The following DYNLT2B variants were observed in gnomAD, a reference collection of about 807,000 sequenced individuals.
DYNLT2B encodes dynein light chain Tctex-type protein 2B.
A neutral mutation model predicts 19.5 loss-of-function variants in DYNLT2B; 14 were observed. The observed-to-expected ratio is 0.72, with a 90% CI of 0.47 to 1.12. The LOEUF (loss-of-function observed/expected upper bound fraction) is 1.12, where lower values mean the gene tolerates loss of function less well. Ranked by LOEUF, DYNLT2B falls within the 50% of genes most tolerant of loss-of-function variation. The pLI is 0.00. For missense variants in DYNLT2B, 133 were observed against 174.7 expected (o/e 0.76, Z 1.35); for synonymous variants, 70 against 59.7 (o/e 1.17, Z -0.79).
At chr3:196,315,046 G>A (rs376223793) in intron 2 of DYNLT2B, among the ~76,000 whole-genome samples, 1 of 151,986 alleles carries the variant, frequency 6.6e-6, no homozygotes, top group South Asian at 2.1e-4. Flanking sequence ...GGGGAAAGGA[G>A]TCCCTGTACT....
chr3:196,301,692 G>A (rs529069447), intron 3 of DYNLT2B, among the ~76,000 whole-genome samples: 5 of 152,010 alleles, frequency 3.3e-5, no homozygotes, highest in Admixed American at 6.6e-5. Context: ...CAGCCTGGGT[G>A]ACAGAGTGAG....
chr3:196,291,265 C>A lies in DYNLT2B; in HGVS notation c.*62G>T. 2 of 1,442,784 alleles carry A rather than the reference C, an allele frequency of 1.4e-6. No homozygotes were observed. Among genetic ancestry groups the A allele is most frequent in the South Asian group, 2.5e-5 (2 of 79,266 alleles). 89.4% of individuals were successfully genotyped at this position (1,442,784 alleles called of 1,614,324 possible). Reference sequence around the variant, plus strand: ...ATCTTTATTTTGTCAAGATATTTAACAATATTAAAAAGTTCAGATTTCTTC... The same window carrying A: ...ATCTTTATTTTGTCAAGATATTTAAAAATATTAAAAAGTTCAGATTTCTTC... On this transcript the variant is annotated 3_prime_UTR_variant, in exon 5 of 5. Transcript: ENST00000325318.
At chr3:196,311,388 G>A (rs1726638277) in intron 2 of DYNLT2B, among the ~76,000 whole-genome samples, 1 of 149,206 alleles carries the variant, frequency 6.7e-6, no homozygotes, top group Non-Finnish European at 1.5e-5. Flanking sequence ...CCAACAGAGT[G>A]AGACCCTGTC....
intron 3 of DYNLT2B, among the ~76,000 whole-genome samples, chr3:196,306,529 T>A (rs1471200030): frequency 2.6e-5 from 4 of 151,956 alleles, no homozygotes; most frequent in Admixed American, 2.0e-4. Context: ...ACTGACAATA[T>A]TTTAGAGATA....
intron 3 of DYNLT2B, among the ~76,000 whole-genome samples, chr3:196,303,815 T>A (rs1726415576): frequency 6.6e-6 from 1 of 152,214 alleles, no homozygotes; most frequent in East Asian, 1.9e-4. Context: ...TAACACTGTA[T>A]CAATATTGTT....
intron 3 of DYNLT2B, chr3:196,296,304 G>C (rs1726221367): frequency 8.8e-6 from 4 of 455,954 alleles, no homozygotes; most frequent in African/African-American, 2.0e-5. Flanking sequence ...CAGGTACTCT[G>C]ACAGCCTCAG....
At chr3:196,310,402 G>A (rs532740793) in intron 2 of DYNLT2B, among the ~76,000 whole-genome samples, 15 of 134,750 alleles carry the variant, frequency 1.1e-4, no homozygotes, top group Admixed American at 1.5e-4. Flanking sequence ...GTGAGCCACC[G>A]CACCTGGCCA....
rs369148979 is a variant in DYNLT2B at position 196,291,349 on chromosome 3, G to C, written c.407C>G (p.Ala136Gly). The C allele has an allele frequency of 6.2e-7, 1 of 1,611,216 alleles. No individual in the cohort carries two copies. Among genetic ancestry groups the C allele is most frequent in the Non-Finnish European group, 8.5e-7 (1 of 1,178,850 alleles). The change falls in exon 5 of 5, where the codon GCA becomes GGA. Residue 136 changes from alanine (A) to glycine (G), a missense_variant. Physicochemically the swap from Ala to Gly is moderately conservative, Grantham distance 60. Transcript: ENST00000325318. ...MNDSLFCVVA[A>G]FGCFYY ...CATTCAGTAGTAGAAACAGCCAAAT[G>C]CTGCTACAACGCAGAATAAACTGTC...
chr3:196,317,066 T>TG (rs1726850208), intron 1 of DYNLT2B, among the ~76,000 whole-genome samples: 1 of 42,942 alleles, frequency 2.3e-5, no homozygotes, highest in African/African-American at 7.8e-5. Flanking sequence ...GTGTGTGGTG[T>TG]GTGTGTGTGT....
chr3:196,304,881 C>T (rs1428371230), intron 3 of DYNLT2B, among the ~76,000 whole-genome samples: 1 of 152,056 alleles, frequency 6.6e-6, no homozygotes, highest in East Asian at 1.9e-4. Flanking sequence ...TATCTACCTA[C>T]CTACCTACCT....
chr3:196,299,435 T>C (rs977894789), intron 3 of DYNLT2B, among the ~76,000 whole-genome samples: 10 of 151,724 alleles, frequency 6.6e-5, no homozygotes, highest in Non-Finnish European at 1.3e-4. Flanking sequence ...ATTGCCCAGG[T>C]TGGTCTCCAA....
chr3:196,316,485 A>G, intron 1 of DYNLT2B, among the ~76,000 whole-genome samples: 1 of 152,156 alleles, frequency 6.6e-6, no homozygotes, highest in Admixed American at 6.6e-5. Context: ...AATACATCCA[A>G]TAATGAGCTT....
At chr3:196,298,454 C>T (rs961899302) in intron 3 of DYNLT2B, among the ~76,000 whole-genome samples, 7 of 152,076 alleles carry the variant, frequency 4.6e-5, no homozygotes, top group African/African-American at 1.7e-4. Flanking sequence ...GCTGGGACTA[C>T]ACACGTGCAT....
At chr3:196,297,991 A>G (rs1726264195) in intron 3 of DYNLT2B, 1 of 159,030 alleles carries the variant, frequency 6.3e-6, no homozygotes, top group Non-Finnish European at 1.4e-5. Flanking sequence ...TGACGTTTTC[A>G]GCTTGCTATA....
intron 2 of DYNLT2B, among the ~76,000 whole-genome samples, chr3:196,313,845 TCCA>T (rs1726702832): frequency 1.3e-5 from 2 of 151,894 alleles, no homozygotes; most frequent in Non-Finnish European, 2.9e-5. Flanking sequence ...CGCCTGTAAT[TCCA>T]CCACTTTGGG....
At chr3:196,307,043 C>G in intron 2 of DYNLT2B, 31 bp from the exon 3 acceptor site, 6 of 1,588,770 alleles carry the variant, frequency 3.8e-6, no homozygotes, top group Non-Finnish European at 4.3e-6. Flanking sequence ...TATTTATAAG[C>G]AAATATGTAG....
chr3:196,302,877 A>C (rs1047198808), intron 3 of DYNLT2B, among the ~76,000 whole-genome samples: 4 of 151,242 alleles, frequency 2.6e-5, no homozygotes, highest in Non-Finnish European at 4.4e-5. Context: ...ACTTGGGGGG[A>C]AACTTAATTT....
chr3:196,298,253 G>GTTGT (rs144254552), intron 3 of DYNLT2B: 1 of 206,950 alleles, frequency 4.8e-6, no homozygotes, highest in Non-Finnish European at 1.0e-5. Flanking sequence ...ACAAGAGAGA[G>GTTGT]TTGTTTGTTT....
chr3:196,293,662 TTGAGACAGAGTCTCGC>T, intron 4 of DYNLT2B, among the ~76,000 whole-genome samples: 1 of 149,772 alleles, frequency 6.7e-6, no homozygotes, highest in East Asian at 2.1e-4. Flanking sequence ...TTTTTTTTTT[TTGAGACAGAGTCTCGC>T]TCTGTCTCCA....
Sources: allele counts gnomAD v4.1 joint callset (sites outside exome capture counted in the v4.1 genomes callset), GRCh38; gene constraint gnomAD v4.1.1; transcripts MANE v1.5; gene names NCBI Gene and HGNC (gene_info 2026-07-23, HGNC 2026-07-21).